Variants in ARHGAP15 observed in about 807,000 individuals in gnomAD.
The protein encoded by ARHGAP15 is rho GTPase-activating protein 15.
In ARHGAP15, 51 loss-of-function variants were observed where a neutral mutation model predicts 63.7. That is an observed-to-expected ratio of 0.80 (90% CI 0.64 to 1.01). The LOEUF (loss-of-function observed/expected upper bound fraction) is 1.01. Among genes scored for constraint, ARHGAP15 ranks in the 50% least tolerant of loss-of-function variants. ARHGAP15 has a pLI of 0.00. For missense variants in ARHGAP15, 560 were observed against 564.6 expected (o/e 0.99, Z 0.08); for synonymous variants, 191 against 193.8 (o/e 0.99, Z 0.12).
intron 13 of ARHGAP15, among the ~76,000 whole-genome samples, chr2:143,762,444 C>A (rs1478261350): frequency 6.6e-6 from 1 of 152,086 alleles, no homozygotes; most frequent in Non-Finnish European, 1.5e-5. Context: ...CCTAATGAAA[C>A]CTAAGCCCTA....
At chr2:143,162,919 G>A (rs1049028728) in intron 2 of ARHGAP15, among the ~76,000 whole-genome samples, 3 of 152,000 alleles carry the variant, frequency 2.0e-5, no homozygotes, top group African/African-American at 7.2e-5. Flanking sequence ...TCACGAACAG[G>A]TAAAAGGCAA....
At chr2:143,679,565 T>G (rs1243676915) in intron 12 of ARHGAP15, among the ~76,000 whole-genome samples, 1 of 152,156 alleles carries the variant, frequency 6.6e-6, no homozygotes, top group Non-Finnish European at 1.5e-5. Context: ...AATGTCTTTC[T>G]CGTAGAAACA....
At chr2:143,437,879 C>T (rs1169972642) in intron 8 of ARHGAP15, among the ~76,000 whole-genome samples, 1 of 152,074 alleles carries the variant, frequency 6.6e-6, no homozygotes, top group Non-Finnish European at 1.5e-5. Flanking sequence ...CAAAAATAAG[C>T]TGGGCATGGT....
intron 11 of ARHGAP15, among the ~76,000 whole-genome samples, chr2:143,590,942 G>GCTCT (rs146715937): frequency 0.065 from 9,793 of 150,550 alleles, 387 homozygotes; most frequent in Non-Finnish European, 0.092. Context: ...ATGTATCTTT[G>GCTCT]CTCTCTCTCT....
chr2:143,175,427 A>G (rs992726642), intron 2 of ARHGAP15, among the ~76,000 whole-genome samples: 1 of 152,176 alleles, frequency 6.6e-6, no homozygotes, highest in Non-Finnish European at 1.5e-5. Context: ...TGGAAGGGAG[A>G]AAAGCTATCA....
intron 6 of ARHGAP15, among the ~76,000 whole-genome samples, chr2:143,330,106 AAAAAAAAAAAAAAAAAAAAAAAAAACC>A (rs1488572688): frequency 3.7e-5 from 3 of 80,808 alleles, no homozygotes; most frequent in Admixed American, 1.6e-4. Context: ...AAAAAAAAAA[AAAAAAAAAAAAAAAAAAAAAAAAAACC>A]AAAAACAAAA....
chr2:143,637,954 C>A (rs1454360513), intron 12 of ARHGAP15, among the ~76,000 whole-genome samples: 1 of 151,788 alleles, frequency 6.6e-6, no homozygotes, highest in Admixed American at 6.6e-5. Context: ...CAATGAGATA[C>A]CATCTCACAC....
At chr2:143,291,411 CACTCACTCACAG>C (rs1682393475) in intron 6 of ARHGAP15, among the ~76,000 whole-genome samples, 1 of 147,426 alleles carries the variant, frequency 6.8e-6, no homozygotes, top group Non-Finnish European at 1.5e-5. Flanking sequence ...CCTCCTCACT[CACTCACTCACAG>C]ACACACTCAG....
At chr2:143,382,448 G>A (rs1445276590) in intron 6 of ARHGAP15, among the ~76,000 whole-genome samples, 1 of 152,062 alleles carries the variant, frequency 6.6e-6, no homozygotes, top group African/African-American at 2.4e-5. Context: ...TGTTCTCCTT[G>A]TGTGTCTTCA....
rs562983644 is a variant in ARHGAP15, at chr2:143,301,590, C to T, written c.474+50990C>T. 1.5e-3 allele frequency among the ~76,000 whole-genome samples: 226 copies of T among 151,934 alleles called. 2 individuals carry two copies. The highest frequency in any genetic ancestry group is 3.2e-3 in the African/African-American group (133 of 41,472). ...GTTTATGATGTAGGATATTTTTAAG[C>T]GTGAAACTTTCATTATGAAATTTGC... On this transcript the variant is annotated intron_variant, in intron 6 of 13. Transcript: ENST00000295095.
intron 10 of ARHGAP15, among the ~76,000 whole-genome samples, chr2:143,545,509 AT>A (rs34446271): frequency 0.99 from 151,016 of 152,096 alleles, 74,984 homozygotes; most frequent in East Asian, 1. Context: ...AAATAATGTT[AT>A]TTTTTAAGTT....
At chr2:143,539,435 T>G (rs1694940691) in intron 10 of ARHGAP15, among the ~76,000 whole-genome samples, 1 of 152,190 alleles carries the variant, frequency 6.6e-6, no homozygotes. Context: ...TTGGATGTGT[T>G]TGCTCTTGCT....
At chr2:143,564,721 TA>T (rs1696155387) in intron 11 of ARHGAP15, among the ~76,000 whole-genome samples, 1 of 152,214 alleles carries the variant, frequency 6.6e-6, no homozygotes, top group Non-Finnish European at 1.5e-5. Flanking sequence ...ATTAATGTAA[TA>T]ATGTTCAAAA....
At chr2:143,606,015 G>T (rs1377046058) in intron 11 of ARHGAP15, among the ~76,000 whole-genome samples, 20 of 107,152 alleles carry the variant, frequency 1.9e-4, no homozygotes, top group African/African-American at 7.4e-4. Flanking sequence ...CAACCTGGGC[G>T]CCAGAGCAAG....
In ARHGAP15 at chr2:143,670,755, TA is replaced by T. The variant is rs1294902840; in HGVS notation, c.1139-32661del. Reference sequence around the variant, plus strand: ...GGCAACAGAACATGCCCTGGCCTGTTAAATTTACAGGAAAACTGTGTTTTAT... The same window carrying T: ...GGCAACAGAACATGCCCTGGCCTGTTAATTTACAGGAAAACTGTGTTTTAT... On this transcript the variant is annotated intron_variant, in intron 12 of 13. Coordinates refer to ENST00000295095, the MANE Select transcript of ARHGAP15 (RefSeq NM_018460.4). 2.0e-4 allele frequency among the ~76,000 whole-genome samples: 30 copies of T among 152,306 alleles called. 1 individual carries two copies. The South Asian group carries it at 5.8e-3, about 29-fold the overall frequency.
chr2:143,712,039 G>C (rs1304601816), intron 13 of ARHGAP15, among the ~76,000 whole-genome samples: 1 of 152,204 alleles, frequency 6.6e-6, no homozygotes, highest in Non-Finnish European at 1.5e-5. Context: ...GTTTTTATAA[G>C]AGTGAAGGAC....
chr2:143,536,799 G>C (rs1694790426), intron 10 of ARHGAP15, among the ~76,000 whole-genome samples: 1 of 151,736 alleles, frequency 6.6e-6, no homozygotes, highest in South Asian at 2.1e-4. Flanking sequence ...TTGGTTCCAA[G>C]TCTTTGCTAT....
At chr2:143,529,876 G>A (rs1694447785) in intron 10 of ARHGAP15, among the ~76,000 whole-genome samples, 1 of 152,090 alleles carries the variant, frequency 6.6e-6, no homozygotes, top group South Asian at 2.1e-4. Context: ...CTTATTGCCT[G>A]GAACTACAAT....
chr2:143,535,136 C>T (rs1035642969), intron 10 of ARHGAP15, among the ~76,000 whole-genome samples: 23 of 152,092 alleles, frequency 1.5e-4, no homozygotes, highest in African/African-American at 5.3e-4. Flanking sequence ...TAATATACTT[C>T]TTTTTTTCTG....
Sources: allele counts gnomAD v4.1 joint callset (sites outside exome capture counted in the v4.1 genomes callset), GRCh38; gene constraint gnomAD v4.1.1; transcripts MANE v1.5; gene names NCBI Gene and HGNC (gene_info 2026-07-23, HGNC 2026-07-21).